The following DEUP1 variants were observed in gnomAD, a reference collection of about 807,000 sequenced individuals.
DEUP1 encodes coiled-coil domain containing 67.
A neutral mutation model predicts 87.4 loss-of-function variants in DEUP1; 82 were observed. The observed-to-expected ratio is 0.94, with a 90% CI of 0.78 to 1.13. The LOEUF (loss-of-function observed/expected upper bound fraction) is 1.13. Among genes scored for constraint, DEUP1 ranks in the 50% most tolerant of loss-of-function variants. DEUP1 has a pLI of 0.00. For synonymous variants in DEUP1, 214 were observed against 222.7 expected, an observed-to-expected ratio of 0.96 and a Z score of 0.35; for missense variants, 663 against 681.5, an observed-to-expected ratio of 0.97 and a Z score of 0.30.
chr11:93,391,674 C>T (rs886798646), intron 9 of DEUP1, among the ~76,000 whole-genome samples: 1 of 145,000 alleles, frequency 6.9e-6, no homozygotes, highest in African/African-American at 2.6e-5. Flanking sequence ...TGCCACTGCA[C>T]TCCAGCCTGG....
chr11:93,334,416 ACTT>A (rs905573658), intron 2 of DEUP1, among the ~76,000 whole-genome samples: 1 of 152,210 alleles, frequency 6.6e-6, no homozygotes, highest in Non-Finnish European at 1.5e-5. Flanking sequence ...AAAATAGACA[ACTT>A]CTTCTCAAGG....
chr11:93,400,321 C>A (rs1445028897), intron 11 of DEUP1, among the ~76,000 whole-genome samples: 1 of 152,146 alleles, frequency 6.6e-6, no homozygotes, highest in Non-Finnish European at 1.5e-5. Flanking sequence ...GTTTCATTGC[C>A]TCTTCCTGAA....
At position 93,432,850 on chromosome 11, in the gene DEUP1, A is replaced by C. The variant is rs561717428; in HGVS notation, c.1639-4693A>C. On this transcript the variant is annotated intron_variant, in intron 13 of 13. Coordinates refer to ENST00000298050, the MANE Select transcript of DEUP1 (RefSeq NM_181645.4). ...GGAAGGATGATGGATAGGTTGCTTT[A>C]AATCTCAATTAGTAAATAATGCAGT... is the stretch of plus-strand genomic sequence containing the variant. Among the ~76,000 whole-genome samples the C allele has an allele frequency of 2.0e-5, 3 of 152,196 alleles. No homozygotes were observed. In the South Asian group the frequency reaches 6.2e-4, roughly 32 times the overall value.
At chr11:93,419,170 C>T (rs1343074072) in intron 13 of DEUP1, among the ~76,000 whole-genome samples, 1 of 100,060 alleles carries the variant, frequency 1.0e-5, no homozygotes, top group Admixed American at 1.3e-4. Flanking sequence ...TACCCTAAAA[C>T]TTAAAGTATA....
intron 7 of DEUP1, 46 bp from the exon 8 acceptor site, chr11:93,385,352 A>T: frequency 1.9e-6 from 3 of 1,592,480 alleles, no homozygotes; most frequent in Non-Finnish European, 2.6e-6. Flanking sequence ...ATTGTACGTT[A>T]TGATAACCAA....
Position 93,344,374 on chromosome 11 carries a change from G to A in DEUP1, c.30-10997G>A, listed in dbSNP as rs144364545. ...GTAATATATTTTTGAGTGAGTTTCAGTAAAAGATTTTGAAAAAGTTAAGAC... is the reference window on the plus strand; with the variant it reads ...GTAATATATTTTTGAGTGAGTTTCAATAAAAGATTTTGAAAAAGTTAAGAC... On this transcript the variant is annotated intron_variant, in intron 2 of 13. Coordinates refer to ENST00000298050, the MANE Select transcript of DEUP1 (RefSeq NM_181645.4). Among the ~76,000 whole-genome samples, 530 of 152,198 alleles carry A rather than the reference G, an allele frequency of 3.5e-3. 5 individuals carry two copies. The highest frequency in any genetic ancestry group is 0.012 in the African/African-American group (505 of 41,542).
Position 93,370,125 on chromosome 11 carries a change from C to A in DEUP1, c.485C>A (p.Thr162Asn), listed in dbSNP as rs987835800. The A allele has an allele frequency of 1.2e-6, 2 of 1,608,552 alleles. No homozygotes were observed. The highest frequency in any genetic ancestry group is 8.5e-7 in the Non-Finnish European group (1 of 1,176,668). The change falls in exon 6 of 14, where the codon ACT becomes AAT. Residue 162 changes from threonine (T) to asparagine (N), a missense_variant. Transcript: ENST00000298050. Reference protein sequence around the residue: ...EWDKQEILYQTHLISLDAQQK... With the variant: ...EWDKQEILYQNHLISLDAQQK... ...GACAAGCAAGAGATATTATATCAGA[C>A]TCATCTGATTTCTTTAGATGCTCAA...
chr11:93,419,535 C>T (rs537932229), intron 13 of DEUP1, among the ~76,000 whole-genome samples: 273 of 152,186 alleles, frequency 1.8e-3, no homozygotes, highest in African/African-American at 6.1e-3. Context: ...TGGGTCAAAC[C>T]ACCTAGTTTT....
At chr11:93,337,590 C>T (rs1943837426) in intron 2 of DEUP1, among the ~76,000 whole-genome samples, 2 of 152,132 alleles carry the variant, frequency 1.3e-5, no homozygotes, top group South Asian at 4.1e-4. Flanking sequence ...CTTCCAGTTT[C>T]TTGTATCTCT....
chr11:93,367,105 T>G (rs1945459164), intron 5 of DEUP1, among the ~76,000 whole-genome samples: 2 of 152,138 alleles, frequency 1.3e-5, no homozygotes, highest in Admixed American at 1.3e-4. Context: ...GTAAATATAG[T>G]CTGTTTATCA....
At chr11:93,347,800 C>T (rs1002760824) in intron 2 of DEUP1, among the ~76,000 whole-genome samples, 10 of 152,038 alleles carry the variant, frequency 6.6e-5, no homozygotes, top group African/African-American at 1.5e-4. Flanking sequence ...AGTGAAGTGG[C>T]GTGATCTCAG....
In DEUP1 at chr11:93,345,191, GT is replaced by G. The variant is rs371584482; in HGVS notation, c.30-10178del. Among the ~76,000 whole-genome samples, 532 of 152,208 alleles carry G rather than the reference GT, an allele frequency of 3.5e-3. 6 individuals carry two copies. Among genetic ancestry groups the G allele is most frequent in the African/African-American group, 0.012 (506 of 41,544 alleles). ...ATGTTACTGCAAAGGACATGATCTT[GT>G]TCCTTTTATGGCTGCATAGTATTTC... is the stretch of plus-strand genomic sequence containing the variant. On this transcript the variant is annotated intron_variant, in intron 2 of 13. Coordinates refer to ENST00000298050, the MANE Select transcript of DEUP1 (RefSeq NM_181645.4).
At chr11:93,411,880 T>TA (rs1365370179) in intron 12 of DEUP1, among the ~76,000 whole-genome samples, 1 of 152,184 alleles carries the variant, frequency 6.6e-6, no homozygotes, top group Non-Finnish European at 1.5e-5. Context: ...TTTCTAATAC[T>TA]AAAAAACCAC....
intron 13 of DEUP1, among the ~76,000 whole-genome samples, chr11:93,436,834 A>G (rs1469575954): frequency 6.6e-6 from 1 of 152,256 alleles, no homozygotes; most frequent in African/African-American, 2.4e-5. Context: ...GTGGCTTTTC[A>G]AAACGAAGAA....
intron 7 of DEUP1, chr11:93,383,684 A>T (rs1044362239): frequency 2.4e-5 from 14 of 588,816 alleles, no homozygotes; most frequent in South Asian, 1.4e-4. Context: ...AATATTCAGT[A>T]TATCTATATA....
intron 2 of DEUP1, among the ~76,000 whole-genome samples, chr11:93,340,015 C>T (rs1175973902): frequency 6.6e-6 from 1 of 152,124 alleles, no homozygotes; most frequent in East Asian, 1.9e-4. Context: ...AATACCCAAG[C>T]AAATTAGGGT....
intron 7 of DEUP1, 125 bp downstream of exon 7, chr11:93,371,405 T>C (rs530106657): frequency 9.2e-7 from 1 of 1,086,340 alleles, no homozygotes; most frequent in Non-Finnish European, 1.3e-6. Context: ...TCCATTCATA[T>C]TTCCTCTTAG....
At position 93,356,981 on chromosome 11, in the gene DEUP1, G is replaced by GA; in HGVS notation, c.240dup (p.Cys81MetfsTer2). On this transcript the variant is annotated frameshift_variant, in exon 4 of 14. Coordinates refer to ENST00000298050, the MANE Select transcript of DEUP1 (RefSeq NM_181645.4). LOFTEE classifies it high-confidence loss of function. ...ACTTCGACAGAAATTGGACAGTCTGGAAAAATGTAATTTAGCAATGACTCA... is the reference window on the plus strand; with the variant it reads ...ACTTCGACAGAAATTGGACAGTCTGGAAAAAATGTAATTTAGCAATGACTCA... 6.2e-7 allele frequency: 1 copy of GA among 1,603,538 alleles called. No homozygotes were observed. Among genetic ancestry groups the GA allele is most frequent in the Admixed American group, 1.7e-5 (1 of 58,572 alleles).
chr11:93,418,863 T>C (rs949657857), intron 13 of DEUP1, among the ~76,000 whole-genome samples: 1 of 151,966 alleles, frequency 6.6e-6, no homozygotes, highest in Non-Finnish European at 1.5e-5. Flanking sequence ...TAAAAAATGA[T>C]GAGTTCATGT....
Sources: gnomAD v4.1 joint callset for allele counts (sites outside exome capture counted in the v4.1 genomes callset) on GRCh38, gnomAD v4.1.1 for gene constraint, MANE v1.5 for transcripts, NCBI Gene and HGNC (gene_info 2026-07-23, HGNC 2026-07-21) for gene names.